The following TAF4B variants were observed in gnomAD, a reference collection of about 807,000 sequenced individuals.
TAF4B encodes the protein transcription initiation factor TFIID subunit 4B.
TAF4B carries 38 observed loss-of-function variants against 86.4 expected under a neutral mutation model. That is an observed-to-expected ratio of 0.44 (90% CI 0.34 to 0.58). The LOEUF (loss-of-function observed/expected upper bound fraction) is 0.58. TAF4B is among the 20% of genes least tolerant of loss of function. The pLI, the probability that TAF4B is intolerant of heterozygous loss-of-function variation, is 0.02. For missense variants in TAF4B, 988 were observed against 1,027.6 expected, an observed-to-expected ratio of 0.96 and a Z score of 0.53; for synonymous variants, 388 against 391.2, an observed-to-expected ratio of 0.99 and a Z score of 0.10.
At chr18:26,292,510 AC>A in intron 8 of TAF4B, 129 bp downstream of exon 8, 1 of 972,494 alleles carries the variant, frequency 1.0e-6, no homozygotes, top group Non-Finnish European at 1.5e-6. Flanking sequence ...TTGAGAGAAA[AC>A]AGAAAGATAA....
intron 1 of TAF4B, among the ~76,000 whole-genome samples, chr18:26,257,090 T>C (rs965685009): frequency 6.6e-5 from 10 of 152,308 alleles, no homozygotes; most frequent in South Asian, 2.1e-4. Flanking sequence ...ACTCCATAGA[T>C]CTGAGTTAGG....
At chr18:26,257,179 G>A (rs7237184) in intron 1 of TAF4B, among the ~76,000 whole-genome samples, 13,090 of 152,060 alleles carry the variant, frequency 0.086, 1,720 homozygotes, top group African/African-American at 0.29. Context: ...ATTGAAAGTG[G>A]GGTATTGCAG....
At chr18:26,365,080 C>T (rs1401962361) in intron 14 of TAF4B, among the ~76,000 whole-genome samples, 1 of 145,818 alleles carries the variant, frequency 6.9e-6, no homozygotes, top group Non-Finnish European at 1.5e-5. Flanking sequence ...AATCTCGGCT[C>T]ACTGCAACCT....
At chr18:26,323,596 A>G (rs544165253) in intron 11 of TAF4B, among the ~76,000 whole-genome samples, 1 of 152,168 alleles carries the variant, frequency 6.6e-6, no homozygotes, top group African/African-American at 2.4e-5. Context: ...TTTTTAAACA[A>G]AATTCTGTCA....
chr18:26,267,044 A>G (rs1169886560), intron 2 of TAF4B: 1 of 152,150 alleles, frequency 6.6e-6, no homozygotes, highest in Admixed American at 6.6e-5. Flanking sequence ...TTTGTGCCCT[A>G]CTAATTTGAT....
chr18:26,270,267 G>C (rs1013616642), intron 3 of TAF4B, among the ~76,000 whole-genome samples: 5 of 152,154 alleles, frequency 3.3e-5, no homozygotes, highest in African/African-American at 4.8e-5. Context: ...GTGGTAAAGT[G>C]AGTTTCTTGG....
Position 26,267,553 on chromosome 18 carries a change from C to T in TAF4B, c.527C>T (p.Thr176Ile). ...CAATTAATCAAGAAAGTGGCAGTGA[C>T]ACCTGTTAAAAAATTGGCACAAATA... ...SSQLIKKVAVTPVKKLAQIGT... is the reference protein window; with the variant it reads ...SSQLIKKVAVIPVKKLAQIGT... The change falls in exon 3 of 15, where the codon ACA becomes ATA. Residue 176 changes from threonine (T) to isoleucine (I), a missense_variant. Around this residue, in one of 3 missense-constraint regions of TAF4B, gnomAD observed 747 missense variants for 737.9 expected, o/e 1.01. Coordinates refer to ENST00000269142, the MANE Select transcript of TAF4B (RefSeq NM_005640.3). 2 of 1,614,160 alleles carry T rather than the reference C, an allele frequency of 1.2e-6. No homozygotes were observed. The highest frequency in any genetic ancestry group is 1.3e-5 in the African/African-American group (1 of 75,060).
intron 9 of TAF4B, among the ~76,000 whole-genome samples, chr18:26,309,539 G>A (rs1484895076): frequency 6.6e-6 from 1 of 151,880 alleles, no homozygotes; most frequent in East Asian, 1.9e-4. Context: ...AAGAGGACCC[G>A]TGGATTTTAA....
intron 5 of TAF4B, among the ~76,000 whole-genome samples, chr18:26,280,057 A>G (rs1449299166): frequency 7.0e-6 from 1 of 143,176 alleles, no homozygotes; most frequent in Admixed American, 7.0e-5. Flanking sequence ...AAAAAAAAAA[A>G]GTAGTGGGGA....
At chr18:26,387,332 G>A (rs1978432334) in intron 14 of TAF4B, among the ~76,000 whole-genome samples, 1 of 152,120 alleles carries the variant, frequency 6.6e-6, no homozygotes, top group African/African-American at 2.4e-5. Flanking sequence ...GCCTAAATAT[G>A]TTGTAGTTTT....
intron 1 of TAF4B, among the ~76,000 whole-genome samples, chr18:26,236,803 TTAA>T (rs1431348319): frequency 6.6e-6 from 1 of 152,168 alleles, no homozygotes; most frequent in Non-Finnish European, 1.5e-5. Flanking sequence ...GTTGCCAGGT[TTAA>T]TAATGCCTCC....
rs955707924 is a variant in TAF4B at position 26,275,627 on chromosome 18, A to G, written c.882+574A>G. ...TATACAACATGATGTTTTGATATAT[A>G]TATTATTTCTGTACATCAGTCTTGC... On this transcript the variant is annotated intron_variant, in intron 5 of 14. Transcript: ENST00000269142. 2.6e-5 allele frequency among the ~76,000 whole-genome samples: 4 copies of G among 152,180 alleles called. No individual in the cohort carries two copies. The East Asian group carries it at 7.7e-4, about 29-fold the overall frequency.
Position 26,390,054 on chromosome 18 carries a change from A to G in TAF4B, c.*42A>G. ...TCCAGATCCTTGCTATTTACTGCCA[A>G]AGAAGACACAAAGCATTGTTGCACT... is the stretch of plus-strand genomic sequence containing the variant. On this transcript the variant is annotated 3_prime_UTR_variant, in exon 15 of 15. Transcript: ENST00000269142. 6.3e-7 allele frequency: 1 copy of G among 1,580,232 alleles called. No homozygotes were observed. Among genetic ancestry groups the G allele is most frequent in the Non-Finnish European group, 8.6e-7 (1 of 1,161,146 alleles).
chr18:26,235,456 G>T (rs1031198331), intron 1 of TAF4B, among the ~76,000 whole-genome samples: 1 of 152,180 alleles, frequency 6.6e-6, no homozygotes, highest in African/African-American at 2.4e-5. Context: ...CAATTTAGAC[G>T]CCTTGTACCC....
At chr18:26,373,588 C>G (rs573289849) in intron 14 of TAF4B, among the ~76,000 whole-genome samples, 1 of 152,056 alleles carries the variant, frequency 6.6e-6, no homozygotes, top group Non-Finnish European at 1.5e-5. Context: ...GTTTACATTC[C>G]TACCAGTGTT....
At chr18:26,375,272 T>C (rs1387552692) in intron 14 of TAF4B, among the ~76,000 whole-genome samples, 20 of 152,222 alleles carry the variant, frequency 1.3e-4, no homozygotes, top group Admixed American at 1.3e-3. Flanking sequence ...TTTGATTGAA[T>C]AATATTCCAT....
At chr18:26,382,575 C>T (rs1978295791) in intron 14 of TAF4B, among the ~76,000 whole-genome samples, 1 of 152,038 alleles carries the variant, frequency 6.6e-6, no homozygotes, top group Admixed American at 6.6e-5. Context: ...CATCAAAGGA[C>T]TTTACATACC....
intron 1 of TAF4B, among the ~76,000 whole-genome samples, chr18:26,257,737 A>G (rs2056104757): frequency 6.6e-6 from 1 of 152,092 alleles, no homozygotes; most frequent in Admixed American, 6.6e-5. Flanking sequence ...TAGGGCTTAC[A>G]ATATGAACCT....
chr18:26,308,879 C>CAAAA (rs71169847), intron 9 of TAF4B, among the ~76,000 whole-genome samples: 27 of 80,198 alleles, frequency 3.4e-4, no homozygotes, highest in South Asian at 5.3e-4. Context: ...GACTCTGTCT[C>CAAAA]AAAAAAAAAA....
Sources: allele counts gnomAD v4.1 joint callset (sites outside exome capture counted in the v4.1 genomes callset), GRCh38; gene constraint gnomAD v4.1.1; regional missense constraint gnomAD v4.1.1; transcripts MANE v1.5; gene names NCBI Gene and HGNC (gene_info 2026-07-23, HGNC 2026-07-21).